GRK5: variants seen among roughly 807,000 people sequenced by gnomAD.
GRK5 encodes the protein G protein-coupled receptor kinase 5.
In GRK5, 40 loss-of-function variants were observed where a neutral mutation model predicts 78.4. That is an observed-to-expected ratio of 0.51 (90% CI 0.40 to 0.66). The LOEUF is 0.66. Among genes scored for constraint, GRK5 ranks in the 30% least tolerant of loss-of-function variants. The pLI is 0.00. For missense variants in GRK5, 598 were observed against 759.9 expected, an observed-to-expected ratio of 0.79 and a Z score of 2.50; for synonymous variants, 289 against 296.8, an observed-to-expected ratio of 0.97 and a Z score of 0.27.
intron 1 of GRK5, among the ~76,000 whole-genome samples, chr10:119,212,506 A>C (rs947639946): frequency 1.7e-4 from 26 of 152,238 alleles, no homozygotes; most frequent in African/African-American, 6.3e-4. Flanking sequence ...AGTGAATTTC[A>C]GGAGCGGGCT....
intron 2 of GRK5, among the ~76,000 whole-genome samples, chr10:119,338,607 C>A (rs1850933188): frequency 6.6e-6 from 1 of 152,108 alleles, no homozygotes; most frequent in African/African-American, 2.4e-5. Context: ...ATGGTGGATA[C>A]ATCAGTGAGC....
chr10:119,310,669 G>C (rs952484276), intron 1 of GRK5, among the ~76,000 whole-genome samples: 4 of 152,220 alleles, frequency 2.6e-5, no homozygotes, highest in Admixed American at 6.5e-5. Flanking sequence ...TAGAGGGATA[G>C]AGGGAAAAGG....
Position 119,452,069 on chromosome 10 carries a change from A to G in GRK5, c.1405-602A>G, listed in dbSNP as rs1366700971. ...CTGCCCTGGCATAGAGCAGGCCCCCAGTGCACAGCTGAGGGACGAGTAAGG... is the reference window on the plus strand; with the variant it reads ...CTGCCCTGGCATAGAGCAGGCCCCCGGTGCACAGCTGAGGGACGAGTAAGG... On this transcript the variant is annotated intron_variant, in intron 13 of 15. Coordinates refer to ENST00000392870, the MANE Select transcript of GRK5 (RefSeq NM_005308.3). The surrounding 1 kb of genome is among the most constrained non-coding windows in gnomAD (Gnocchi z 4.4). 6.6e-6 allele frequency among the ~76,000 whole-genome samples: 1 copy of G among 152,184 alleles called. No individual in the cohort carries two copies. The highest frequency in any genetic ancestry group is 1.5e-5 in the Non-Finnish European group (1 of 68,014).
At position 119,378,673 on chromosome 10, in the gene GRK5, C is replaced by CCTTCA. The variant is rs1851664665; in HGVS notation, c.149-2142_149-2141insCTTCA. On this transcript the variant is annotated intron_variant, in intron 2 of 15. Coordinates refer to ENST00000392870, the MANE Select transcript of GRK5 (RefSeq NM_005308.3). This position sits in a 1 kb window ranked among gnomAD's most constrained non-coding sequence, Gnocchi z 4.5. ...CTCATCTCCGCTTGTGTGCGGGCTG[C>CCTTCA]GCCTCCGTGGGCTCTCGCTGCGTGG... is the stretch of plus-strand genomic sequence containing the variant. Among the ~76,000 whole-genome samples the CCTTCA allele has an allele frequency of 1.3e-5, 1 of 79,756 alleles. No individual in the cohort carries two copies. The highest frequency in any genetic ancestry group is 6.1e-5 in the African/African-American group (1 of 16,492). The allele number at this position is 79,756 out of a possible 152,430, so 52.3% of individuals were successfully genotyped here.
chr10:119,207,864 C>CAGCGGCAGCAT lies in GRK5; in HGVS notation c.-54_-53insAGCGGCAGCAT. ...AGCAGCGGCAGCAGCAGCGGCAGCA[C>CAGCGGCAGCAT]CCCAGGCGCTGACAGCCCCGCCGGC... On this transcript the variant is annotated 5_prime_UTR_variant, in exon 1 of 16. Coordinates refer to ENST00000392870, the MANE Select transcript of GRK5 (RefSeq NM_005308.3). 3.9e-6 allele frequency: 6 copies of CAGCGGCAGCAT among 1,534,584 alleles called. No individual in the cohort carries two copies. Among genetic ancestry groups the CAGCGGCAGCAT allele is most frequent in the Non-Finnish European group, 4.4e-6 (5 of 1,135,904 alleles).
intron 2 of GRK5, among the ~76,000 whole-genome samples, chr10:119,342,787 G>C (rs982613306): frequency 2.6e-5 from 4 of 152,324 alleles, no homozygotes; most frequent in Admixed American, 6.5e-5. Flanking sequence ...GGCAGCGCAG[G>C]CTGGGCTACA....
intron 1 of GRK5, among the ~76,000 whole-genome samples, chr10:119,239,518 G>C (rs1234269842): frequency 6.6e-6 from 1 of 152,154 alleles, no homozygotes; most frequent in Non-Finnish European, 1.5e-5. Context: ...TTACAGGCAT[G>C]AGCCACTGCA....
chr10:119,343,123 C>T (rs543931482), intron 2 of GRK5, among the ~76,000 whole-genome samples: 5 of 152,306 alleles, frequency 3.3e-5, no homozygotes, highest in African/African-American at 1.2e-4. Context: ...AAAGCCAACA[C>T]GTGACACTGG....
chr10:119,306,257 G>T (rs2133729876), intron 1 of GRK5, among the ~76,000 whole-genome samples: 1 of 152,330 alleles, frequency 6.6e-6, no homozygotes, highest in Admixed American at 6.5e-5. Context: ...CAGGCCATCT[G>T]TGTGAGGTGA....
At chr10:119,274,618 AGGTGCAGGTGCAGGCTG>A (rs1346393760) in intron 1 of GRK5, among the ~76,000 whole-genome samples, 2 of 152,162 alleles carry the variant, frequency 1.3e-5, no homozygotes, top group Non-Finnish European at 2.9e-5. Flanking sequence ...GTGCCTCTTG[AGGTGCAGGTGCAGGCTG>A]GGTATTTCTC....
intron 4 of GRK5, among the ~76,000 whole-genome samples, chr10:119,415,100 A>AG (rs1262119295): frequency 2.0e-5 from 3 of 150,976 alleles, no homozygotes; most frequent in South Asian, 2.1e-4. Flanking sequence ...AAAAAAAAAA[A>AG]AAAGAAAAAG....
chr10:119,394,254 A>AGTATCCG (rs1564916850), intron 3 of GRK5, among the ~76,000 whole-genome samples: 2 of 7,160 alleles, frequency 2.8e-4, no homozygotes, highest in Non-Finnish European at 5.2e-4. Context: ...CTGTGTGTGG[A>AGTATCCG]TGTATCTGTG....
At chr10:119,449,529 G>A (rs971713332) in intron 13 of GRK5, among the ~76,000 whole-genome samples, 5 of 152,306 alleles carry the variant, frequency 3.3e-5, no homozygotes, top group East Asian at 3.9e-4. Context: ...GGCCGGGCAC[G>A]GTGGCTCATG....
chr10:119,233,585 G>A (rs1374865595), intron 1 of GRK5, among the ~76,000 whole-genome samples: 1 of 152,176 alleles, frequency 6.6e-6, no homozygotes, highest in Non-Finnish European at 1.5e-5. Flanking sequence ...GGGGCCAGAT[G>A]TACCCCCCTG....
chr10:119,403,630 TTTG>T (rs749244447), intron 4 of GRK5, among the ~76,000 whole-genome samples: 4 of 151,872 alleles, frequency 2.6e-5, no homozygotes, highest in Non-Finnish European at 4.4e-5. Context: ...TTTCTACCTT[TTTG>T]TTGTTGTTGT....
At chr10:119,292,779 A>C (rs530719856) in intron 1 of GRK5, among the ~76,000 whole-genome samples, 230 of 152,288 alleles carry the variant, frequency 1.5e-3, no homozygotes, top group African/African-American at 5.3e-3. Flanking sequence ...CTATGTAAAT[A>C]GTTGCTATAC....
chr10:119,312,584 G>T (rs1301600745), intron 1 of GRK5, among the ~76,000 whole-genome samples: 1 of 152,212 alleles, frequency 6.6e-6, no homozygotes, highest in Non-Finnish European at 1.5e-5. Context: ...CCTCAGGCAG[G>T]AACATGCCTG....
chr10:119,428,834 G>A (rs1852755653), intron 6 of GRK5, among the ~76,000 whole-genome samples: 1 of 152,236 alleles, frequency 6.6e-6, no homozygotes, highest in East Asian at 1.9e-4. Context: ...GGTTGGTGCT[G>A]TACTGCTGAA....
intron 1 of GRK5, among the ~76,000 whole-genome samples, chr10:119,243,574 T>TTC (rs1564861025): frequency 3.9e-4 from 16 of 41,122 alleles, no homozygotes; most frequent in East Asian, 9.5e-4. Context: ...TTCTTTTTTT[T>TTC]TTTTTTTTTC....
Sources: gnomAD v4.1 joint callset for allele counts (sites outside exome capture counted in the v4.1 genomes callset) on GRCh38, gnomAD v4.1.1 for gene constraint, Gnocchi (gnomAD v3.1) non-coding constraint, MANE v1.5 for transcripts, NCBI Gene and HGNC (gene_info 2026-07-23, HGNC 2026-07-21) for gene names.